Variants in DNAI3 observed in about 807,000 individuals in gnomAD.
DNAI3 encodes WD repeat domain 63.
Under a neutral mutation model 115.5 loss-of-function variants are expected in DNAI3, and 83 were observed. The ratio of observed to expected loss-of-function variants is 0.72; its 90% CI spans 0.60 to 0.86. DNAI3 has a LOEUF of 0.86. Ranked by LOEUF, DNAI3 falls within the 40% of genes least tolerant of loss-of-function variation. DNAI3 has a pLI of 0.00. For synonymous variants in DNAI3, 320 were observed against 347.0 expected (o/e 0.92, Z 0.86); for missense variants, 1,004 against 1,075.8 (o/e 0.93, Z 0.93).
At chr1:85,122,608 G>A (rs920632715) in intron 18 of DNAI3, among the ~76,000 whole-genome samples, 2 of 152,324 alleles carry the variant, frequency 1.3e-5, no homozygotes, top group East Asian at 1.9e-4. Context: ...GCCCACAAAG[G>A]CTTGCAAGAA....
intron 21 of DNAI3, among the ~76,000 whole-genome samples, chr1:85,129,236 C>T (rs1417318226): frequency 6.6e-6 from 1 of 152,052 alleles, no homozygotes; most frequent in African/African-American, 2.4e-5. Flanking sequence ...TCTGCACCCC[C>T]CACACTGTAC....
intron 16 of DNAI3, among the ~76,000 whole-genome samples, 189 bp downstream of exon 16, chr1:85,110,324 G>A (rs982541257): frequency 1.3e-5 from 2 of 151,562 alleles, no homozygotes; most frequent in African/African-American, 2.4e-5. Flanking sequence ...AGTGGCGGGC[G>A]CCTGTAGTCC....
At chr1:85,069,608 G>A (rs1035818113) in intron 1 of DNAI3, among the ~76,000 whole-genome samples, 1 of 151,944 alleles carries the variant, frequency 6.6e-6, no homozygotes, top group African/African-American at 2.4e-5. Context: ...GGTTGATCTC[G>A]AACTCCTGAC....
At chr1:85,077,071 A>T (rs148750235) in intron 3 of DNAI3, among the ~76,000 whole-genome samples, 64 of 152,352 alleles carry the variant, frequency 4.2e-4, no homozygotes, top group African/African-American at 1.5e-3. Flanking sequence ...AAGTAGGTTC[A>T]TGTTAACTCT....
intron 3 of DNAI3, among the ~76,000 whole-genome samples, chr1:85,074,867 C>T (rs895165000): frequency 2.6e-5 from 4 of 152,218 alleles, no homozygotes; most frequent in East Asian, 1.9e-4. Context: ...TAACACTGAA[C>T]TCATGGCCAA....
intron 19 of DNAI3, among the ~76,000 whole-genome samples, chr1:85,125,535 ATTT>A (rs5775824): frequency 1.1e-4 from 16 of 147,390 alleles, no homozygotes; most frequent in African/African-American, 4.0e-4. Flanking sequence ...TGTATGTTTG[ATTT>A]TTTTTTTTTT....
intron 3 of DNAI3, among the ~76,000 whole-genome samples, chr1:85,078,071 C>T (rs1654514574): frequency 6.6e-6 from 1 of 152,092 alleles, no homozygotes; most frequent in African/African-American, 2.4e-5. Context: ...AACTGCCATT[C>T]ACTGGATCCT....
At chr1:85,126,807 T>C (rs1303670312) in intron 20 of DNAI3, 92 bp downstream of exon 20, 2 of 1,443,354 alleles carry the variant, frequency 1.4e-6, no homozygotes, top group Admixed American at 3.8e-5. Flanking sequence ...GTTTATTTCT[T>C]AGTTTTTTGT....
intron 7 of DNAI3, among the ~76,000 whole-genome samples, chr1:85,088,725 C>T (rs1254001219): frequency 6.6e-6 from 1 of 152,028 alleles, no homozygotes; most frequent in East Asian, 1.9e-4. Context: ...AAACTTGAAG[C>T]AATAATGAAT....
intron 13 of DNAI3, among the ~76,000 whole-genome samples, chr1:85,103,737 A>G (rs1428173219): frequency 6.6e-6 from 1 of 151,742 alleles, no homozygotes; most frequent in African/African-American, 2.4e-5. Flanking sequence ...AAATACAAAA[A>G]TTGGCTGGGC....
intron 2 of DNAI3, among the ~76,000 whole-genome samples, chr1:85,072,382 G>A (rs567305615): frequency 5.3e-5 from 8 of 152,326 alleles, no homozygotes; most frequent in South Asian, 2.1e-4. Context: ...GGTGGTTCAC[G>A]CCTGTAATCC....
chr1:85,079,422 GC>G (rs1354782152), intron 3 of DNAI3, among the ~76,000 whole-genome samples: 1 of 152,184 alleles, frequency 6.6e-6, no homozygotes, highest in East Asian at 1.9e-4. Flanking sequence ...GTATCATAGA[GC>G]CCCTGGGGTG....
At chr1:85,108,621 T>A (rs1385314363) in intron 15 of DNAI3, among the ~76,000 whole-genome samples, 2 of 152,188 alleles carry the variant, frequency 1.3e-5, no homozygotes, top group Admixed American at 6.5e-5. Context: ...CATTATTTTT[T>A]AATTATTATT....
At chr1:85,102,509 A>G (rs950271391) in intron 13 of DNAI3, among the ~76,000 whole-genome samples, 2 of 152,244 alleles carry the variant, frequency 1.3e-5, no homozygotes, top group African/African-American at 4.8e-5. Flanking sequence ...CAAAGAAATT[A>G]ATAGTAAGGC....
intron 21 of DNAI3, among the ~76,000 whole-genome samples, chr1:85,129,319 G>A (rs1023588969): frequency 3.9e-5 from 6 of 152,166 alleles, no homozygotes; most frequent in Admixed American, 6.5e-5. Context: ...ATATATAAAT[G>A]TATATACAAT....
chr1:85,094,403 C>G (rs1461513283), intron 9 of DNAI3, 28 bp from the exon 10 acceptor site: 2 of 1,613,132 alleles, frequency 1.2e-6, no homozygotes, highest in African/African-American at 2.7e-5. Context: ...TTGCTGCCAA[C>G]TTTAATTTCT....
At chr1:85,073,304 C>CA (rs1654343744) in intron 3 of DNAI3, among the ~76,000 whole-genome samples, 1 of 152,018 alleles carries the variant, frequency 6.6e-6, no homozygotes, top group South Asian at 2.1e-4. Context: ...TTCAACCAAG[C>CA]AGTTAGTTAA....
intron 16 of DNAI3, among the ~76,000 whole-genome samples, chr1:85,116,332 A>G (rs1655815431): frequency 1.3e-5 from 2 of 152,200 alleles, no homozygotes. Context: ...ACTCAAGTTA[A>G]TCATGTTTTC....
intron 5 of DNAI3, 52 bp from the exon 6 acceptor site, chr1:85,084,490 AAAGC>A: frequency 4.9e-6 from 6 of 1,217,228 alleles, no homozygotes; most frequent in Non-Finnish European, 6.4e-6. Flanking sequence ...ATATATATAT[AAAGC>A]TATAACCTAA....
Sources: allele counts gnomAD v4.1 joint callset (sites outside exome capture counted in the v4.1 genomes callset), GRCh38; gene constraint gnomAD v4.1.1; transcripts MANE v1.5; gene names NCBI Gene and HGNC (gene_info 2026-07-23, HGNC 2026-07-21).